The following REEP4 variants were observed in gnomAD, a reference collection of about 807,000 sequenced individuals.
The protein encoded by REEP4 is receptor expression-enhancing protein 4.
In REEP4, 17 loss-of-function variants were observed where a neutral mutation model predicts 33.5. The ratio of observed to expected loss-of-function variants is 0.51; its 90% CI spans 0.35 to 0.76. REEP4 has a LOEUF of 0.76. Ranked by LOEUF, REEP4 falls within the 30% of genes least tolerant of loss-of-function variation. The probability of loss-of-function intolerance (pLI) is 0.01; values close to 1 mark genes in which losing one functional copy is unlikely to be tolerated. For missense variants in REEP4, 340 were observed against 357.9 expected (o/e 0.95, Z 0.40); for synonymous variants, 157 against 142.9 (o/e 1.10, Z -0.70).
chr8:22,139,406 C>T lies in REEP4; in HGVS notation c.417+10G>A, dbSNP rs1267908069. On this transcript the variant is annotated intron_variant, in intron 5 of 7. Coordinates refer to ENST00000306306, the MANE Select transcript of REEP4 (RefSeq NM_025232.4). ...ATGGGGGCTGCTGGAGGGCTGGGGG[C>T]CCAGAGCACCTTGGTGGCAGCCTGC... 1.9e-6 allele frequency: 3 copies of T among 1,597,084 alleles called. No individual in the cohort carries two copies. Among genetic ancestry groups the T allele is most frequent in the African/African-American group, 1.3e-5 (1 of 74,744 alleles).
chr8:22,140,777 G>A, intron 1 of REEP4, 80 bp from the exon 2 acceptor site: 1 of 1,245,842 alleles, frequency 8.0e-7, no homozygotes, highest in South Asian at 1.3e-5. Flanking sequence ...CCCCCACTGG[G>A]GTGCAAGGTG....
chr8:22,141,870 G>C lies in REEP4; in HGVS notation c.-388C>G. ...GCCACCAGCACCGGCCTACAGGGCGGAGTTCGCAACTCACTTGAAAGTTGC... is the reference window on the plus strand; with the variant it reads ...GCCACCAGCACCGGCCTACAGGGCGCAGTTCGCAACTCACTTGAAAGTTGC... On this transcript the variant is annotated 5_prime_UTR_variant, in exon 1 of 8. Transcript: ENST00000306306. 1 of 231,518 alleles carries C rather than the reference G, an allele frequency of 4.3e-6. No homozygotes were observed. The allele number at this position is 231,518 out of a possible 1,614,324, so 14.3% of individuals were successfully genotyped here.
chr8:22,140,011 G>A lies in REEP4; in HGVS notation c.255C>T (p.Ser85=). Residue 85 remains serine, a synonymous_variant, in exon 4 of 8, where the codon AGC becomes AGT. Coordinates refer to ENST00000306306, the MANE Select transcript of REEP4 (RefSeq NM_025232.4). ...GGTGGACAAACTTGCGGTAAAGCAG[G>A]CTGGCGCCCTTGGTGTAGGGTGAGA... ...WLLSPYTKGA[S]LLYRKFVHPS... The A allele has an allele frequency of 3.7e-6, 6 of 1,600,358 alleles. No individual in the cohort carries two copies. Among genetic ancestry groups the A allele is most frequent in the Non-Finnish European group, 5.1e-6 (6 of 1,173,068 alleles).
chr8:22,141,338 T>C (rs763437537), intron 1 of REEP4, 113 bp downstream of exon 1: 37 of 1,273,376 alleles, frequency 2.9e-5, no homozygotes, highest in Non-Finnish European at 4.1e-5. Context: ...TTGCATGGAG[T>C]GCTGGAGGGT....
In REEP4 at chr8:22,138,950, C is replaced by G; in HGVS notation, c.529G>C (p.Val177Leu). 1 of 1,600,570 alleles carries G rather than the reference C, an allele frequency of 6.2e-7. No individual in the cohort carries two copies. Among genetic ancestry groups the G allele is most frequent in the East Asian group, 2.2e-5 (1 of 44,838 alleles). ...CCAATGGGTGGCCTCCGGTGGGACA[C>G]CTGGTCCTCCAGGTAGAGGGGGTCA... Reference protein sequence around the residue: ...YHDPLYLEDQVSHRRPPIGYR... With the variant: ...YHDPLYLEDQLSHRRPPIGYR... Residue 177 changes from valine (V) to leucine (L), a missense_variant, in exon 6 of 8, where the codon GTG becomes CTG. Val to Leu is a conservative substitution (Grantham distance 32, BLOSUM62 1). Transcript: ENST00000306306.
intron 1 of REEP4, 22 bp downstream of exon 1, chr8:22,141,429 G>A: frequency 6.2e-7 from 1 of 1,601,486 alleles, no homozygotes; most frequent in African/African-American, 1.3e-5. Flanking sequence ...GGTAGAGGAG[G>A]TCTGAGGGCG....
chr8:22,141,716 G>A lies in REEP4; in HGVS notation c.-234C>T. On this transcript the variant is annotated 5_prime_UTR_variant, in exon 1 of 8. Transcript: ENST00000306306. Reference sequence around the variant, plus strand: ...CCCCGGCGGGGAGGAAGCCGACTTGGGAGCGGGCGCGCCCCGCGGCCGGGG... The same window carrying A: ...CCCCGGCGGGGAGGAAGCCGACTTGAGAGCGGGCGCGCCCCGCGGCCGGGG... 2.4e-6 allele frequency: 1 copy of A among 422,206 alleles called. No individual in the cohort carries two copies. Among genetic ancestry groups the A allele is most frequent in the Non-Finnish European group, 4.2e-6 (1 of 239,510 alleles). The allele number at this position is 422,206 out of a possible 1,614,324, so 26.2% of individuals were successfully genotyped here. A position where few individuals can be genotyped will look rare whatever the true frequency, so the allele number is the denominator to read the frequency against.
At chr8:22,141,297 A>T (rs1827226204) in intron 1 of REEP4, among the ~76,000 whole-genome samples, 154 bp downstream of exon 1, 1 of 152,150 alleles carries the variant, frequency 6.6e-6, no homozygotes, top group African/African-American at 2.4e-5. Context: ...TGCCCCAGAC[A>T]CCGCGTGCAA....
chr8:22,140,238 A>G lies in REEP4; in HGVS notation c.116T>C (p.Met39Thr), dbSNP rs368470480. Residue 39 changes from methionine (M) to threonine (T), a missense_variant, in exon 3 of 8, where the codon ATG becomes ACG. By Grantham distance (81) the Met-to-Thr change is moderately conservative. Transcript: ENST00000306306. ...TKNIREYVRW[M>T]MYWIVFALFM... is the part of the protein sequence containing the mutation. The stretch of plus-strand genomic sequence containing the variant: ...GAGTGCAAAAACAATCCAGTACATC[A>G]TCCACCGCACCTGTGGGGTGAGCGC... The G allele has an allele frequency of 6.8e-6, 11 of 1,614,068 alleles. No individual in the cohort carries two copies. The highest frequency in any genetic ancestry group is 1.3e-5 in the African/African-American group (1 of 75,026).
Position 22,140,153 on chromosome 8 carries a change from G to A in REEP4, c.182+19C>T. 1 of 1,601,384 alleles carries A rather than the reference G, an allele frequency of 6.2e-7. No homozygotes were observed. Among genetic ancestry groups the A allele is most frequent in the Non-Finnish European group, 8.5e-7 (1 of 1,175,818 alleles). ...GGGGGCCACCCCTGACCCATGGCTT[G>A]CGGACCCTGCGTCCATACCAGGAGA... On this transcript the variant is annotated intron_variant, in intron 3 of 7. Transcript: ENST00000306306.
In REEP4 at chr8:22,140,209, T is replaced by G. The variant is rs1016782027; in HGVS notation, c.145A>C (p.Met49Leu). ...ATGTCTGTAACGATCTCTGCTGCCATGAAGAGTGCAAAAACAATCCAGTAC... is the reference window on the plus strand; with the variant it reads ...ATGTCTGTAACGATCTCTGCTGCCAGGAAGAGTGCAAAAACAATCCAGTAC... The part of the protein sequence containing the change: ...MMYWIVFALF[M>L]AAEIVTDIFI... The change falls in exon 3 of 8, where the codon ATG becomes CTG. Residue 49 changes from methionine to leucine, a missense_variant. Met to Leu is a conservative substitution (Grantham distance 15, BLOSUM62 2). Coordinates refer to ENST00000306306, the MANE Select transcript of REEP4 (RefSeq NM_025232.4). The G allele has an allele frequency of 6.2e-7, 1 of 1,614,116 alleles. No homozygotes were observed. Among genetic ancestry groups the G allele is most frequent in the Non-Finnish European group, 8.5e-7 (1 of 1,180,022 alleles).
intron 2 of REEP4, 157 bp downstream of exon 2, chr8:22,140,468 C>T (rs1199582134): frequency 9.7e-6 from 8 of 824,722 alleles, no homozygotes; most frequent in South Asian, 1.6e-5. Flanking sequence ...ATGGCCTGCC[C>T]TCTATCTACA....
At chr8:22,138,828 G>A (rs371159457) in intron 6 of REEP4, 35 bp from the exon 7 acceptor site, 64 of 1,573,132 alleles carry the variant, frequency 4.1e-5, no homozygotes, top group African/African-American at 2.9e-4. Flanking sequence ...GAAAGCCTGC[G>A]ACCAGGCCAG....
At position 22,140,261 on chromosome 8, in the gene REEP4, C is replaced by T. The variant is rs375564505; in HGVS notation, c.106-13G>A. On this transcript the variant is annotated splice_polypyrimidine_tract_variant and intron_variant, in intron 2 of 7. Transcript: ENST00000306306. The stretch of plus-strand genomic sequence containing the variant: ...TCATCCACCGCACCTGTGGGGTGAG[C>T]GCCCAGAGGTCAGCATGGGGCCTGC... 6.8e-6 allele frequency: 11 copies of T among 1,613,136 alleles called. No homozygotes were observed. The highest frequency in any genetic ancestry group is 4.4e-5 in the South Asian group (4 of 91,076).
Position 22,138,286 on chromosome 8 carries a change from G to A in REEP4, c.*201C>T. 1 of 716,744 alleles carries A rather than the reference G, an allele frequency of 1.4e-6. No homozygotes were observed. Among genetic ancestry groups the A allele is most frequent in the Non-Finnish European group, 2.5e-6 (1 of 400,188 alleles). The allele number at this position is 716,744 out of a possible 1,614,324, so 44.4% of individuals were successfully genotyped here. A position where few individuals can be genotyped will look rare whatever the true frequency, so the allele number is the denominator to read the frequency against. On this transcript the variant is annotated 3_prime_UTR_variant, in exon 8 of 8. Coordinates refer to ENST00000306306, the MANE Select transcript of REEP4 (RefSeq NM_025232.4). ...GGCAATAAATAGAACCCTGGGCCCA[G>A]CCTGCTTTGGTACATTGTGGGTGCA...
At position 22,138,443 on chromosome 8, in the gene REEP4, G is replaced by T; in HGVS notation, c.*44C>A. 1 of 1,606,344 alleles carries T rather than the reference G, an allele frequency of 6.2e-7. No homozygotes were observed. ...CAAGGTCCCTCCAAATAGCCCTGGA[G>T]CCCTGCAGGGCACGAGGTAAGAAGG... On this transcript the variant is annotated 3_prime_UTR_variant, in exon 8 of 8. Transcript: ENST00000306306.
intron 7 of REEP4, 38 bp from the exon 8 acceptor site, chr8:22,138,590 G>T (rs763728766): frequency 1.2e-6 from 2 of 1,613,724 alleles, no homozygotes; most frequent in African/African-American, 2.7e-5. Context: ...GGTGTGGGGA[G>T]CACCAGCCAG....
Position 22,139,526 on chromosome 8 carries a change from T to C in REEP4, c.307A>G (p.Ile103Val). 1.2e-6 allele frequency: 2 copies of C among 1,607,662 alleles called. No individual in the cohort carries two copies. The highest frequency in any genetic ancestry group is 1.7e-6 in the Non-Finnish European group (2 of 1,178,676). Residue 103 changes from isoleucine (I) to valine (V), a missense_variant, in exon 5 of 8, where the codon ATC becomes GTC. By Grantham distance (29) the Ile-to-Val change is conservative. Coordinates refer to ENST00000306306, the MANE Select transcript of REEP4 (RefSeq NM_025232.4). ...HPSLSRHEKE[I>V]DAYIVQAKER... ...TTGGCCTGCACGATGTACGCGTCGA[T>C]CTCCTGTGGACCCAATGGGGAGGAG...
Position 22,140,010 on chromosome 8 carries a change from G to C in REEP4, c.256C>G (p.Leu86Val). ...LLSPYTKGAS[L>V]LYRKFVHPSL... is the part of the protein sequence containing the mutation. ...GGGTGGACAAACTTGCGGTAAAGCA[G>C]GCTGGCGCCCTTGGTGTAGGGTGAG... Residue 86 changes from leucine (L) to valine (V), a missense_variant, in exon 4 of 8, where the codon CTG becomes GTG. By Grantham distance (32) the Leu-to-Val change is conservative. Transcript: ENST00000306306. 6.2e-7 allele frequency: 1 copy of C among 1,600,026 alleles called. No individual in the cohort carries two copies. The highest frequency in any genetic ancestry group is 8.5e-7 in the Non-Finnish European group (1 of 1,172,872).
Sources: allele counts gnomAD v4.1 joint callset (sites outside exome capture counted in the v4.1 genomes callset), GRCh38; gene constraint gnomAD v4.1.1; transcripts MANE v1.5; gene names NCBI Gene and HGNC (gene_info 2026-07-23, HGNC 2026-07-21).